The following ALG12 variants were observed in gnomAD, a reference collection of about 807,000 sequenced individuals.
The protein encoded by ALG12 is ALG12 alpha-1,6-mannosyltransferase.
A neutral mutation model predicts 46.0 loss-of-function variants in ALG12; 36 were observed. That is an observed-to-expected ratio of 0.78 (90% confidence interval 0.60 to 1.03). The LOEUF (loss-of-function observed/expected upper bound fraction) is 1.03, where lower values mean the gene tolerates loss of function less well. Among genes scored for constraint, ALG12 ranks in the 50% least tolerant of loss-of-function variants. The pLI, the probability that ALG12 is intolerant of heterozygous loss-of-function variation, is 0.00. For synonymous variants in ALG12, 326 were observed against 291.6 expected (o/e 1.12, Z -1.20); for missense variants, 599 against 633.5 (o/e 0.95, Z 0.58).
the ALG12 span, chr22:49,884,725 C>T: frequency 6.3e-7 from 1 of 1,594,034 alleles, no homozygotes; most frequent in South Asian, 1.1e-5. Context: ...GTACTCCACC[C>T]CTCCCACTCT....
At chr22:49,886,674 C>T in the ALG12 span, 491 of 1,611,454 alleles carry the variant, frequency 3.0e-4, 1 homozygote, top group Non-Finnish European at 3.5e-4. The surrounding 1 kb of genome is among the most constrained non-coding windows in gnomAD (Gnocchi z 7.7). Flanking sequence ...GGTACGTCTT[C>T]GCCACGCTGC....
chr22:49,917,342 C>G (rs1371417622), intron 1 of ALG12, among the ~76,000 whole-genome samples: 1 of 152,210 alleles, frequency 6.6e-6, no homozygotes, highest in Non-Finnish European at 1.5e-5. Context: ...ACCCTCTTGT[C>G]CCCATCAATC....
rs769490520 is a variant in ALG12, at chr22:49,904,509, GA to G, written c.993-4del. 6.2e-7 allele frequency: 1 copy of G among 1,613,932 alleles called. No homozygotes were observed. Among genetic ancestry groups the G allele is most frequent in the African/African-American group, 1.3e-5 (1 of 74,916 alleles). ...AAGACTTTTTATAGTTATTCAGCCT[GA>G]AAAAAGAATGGTTACACATCATAGG... On this transcript the variant is annotated splice_region_variant and splice_polypyrimidine_tract_variant and intron_variant, in intron 7 of 9. Transcript: ENST00000330817.
At chr22:49,874,219 G>A in the ALG12 span, among the ~76,000 whole-genome samples, 1 of 152,212 alleles carries the variant, frequency 6.6e-6, no homozygotes, top group African/African-American at 2.4e-5. Flanking sequence ...AGTATGATGG[G>A]AGCTGCACTG....
At chr22:49,862,693 CTTTTTTTTTTTT>C in the ALG12 span, among the ~76,000 whole-genome samples, 175 of 59,020 alleles carry the variant, frequency 3.0e-3, 2 homozygotes, top group African/African-American at 9.4e-3. Flanking sequence ...TAAGTTTTTC[CTTTTTTTTTTTT>C]TTTTTTTTTT....
chr22:49,868,130 A>G, the ALG12 span, among the ~76,000 whole-genome samples: 5 of 152,158 alleles, frequency 3.3e-5, no homozygotes, highest in African/African-American at 1.2e-4. Context: ...TGTCCCTTCC[A>G]CTTACATTTG....
the ALG12 span, chr22:49,883,841 G>T: frequency 2.0e-5 from 33 of 1,610,656 alleles, no homozygotes; most frequent in Non-Finnish European, 2.8e-5. Context: ...GAGCGAGCGG[G>T]CCTCGGTGGG....
downstream of ALG12, among the ~76,000 whole-genome samples, chr22:49,896,167 T>C (rs1223914546): frequency 1.3e-5 from 2 of 152,200 alleles, no homozygotes; most frequent in Admixed American, 1.3e-4. Flanking sequence ...TAATTCTAAA[T>C]ATGCACGTGT....
the ALG12 span, among the ~76,000 whole-genome samples, chr22:49,894,201 G>C: frequency 1.3e-5 from 2 of 152,118 alleles, no homozygotes; most frequent in Non-Finnish European, 2.9e-5. Context: ...CATCAGACGT[G>C]ATCTCTAGGG....
rs999577251 is a variant in ALG12, at chr22:49,908,677, C to T, written c.768+567G>A. Among the ~76,000 whole-genome samples the T allele has an allele frequency of 4.1e-5, 6 of 146,498 alleles. 2 individuals are homozygous for T. Among genetic ancestry groups the T allele is most frequent in the Admixed American group, 6.7e-5 (1 of 14,890 alleles). On this transcript the variant is annotated intron_variant, in intron 6 of 9. Transcript: ENST00000330817. ...TTAAATGCAGATTGTCCGGGCCGGG[C>T]GTGGTGGCTCACACCTGTAATCCCA... is the stretch of plus-strand genomic sequence containing the variant.
rs768442865 is a variant in ALG12, at chr22:49,910,564, C to T, written c.339G>A (p.Thr113=). ...LGLGVIFGLW[T]LQKEVRRHFG... ...AGTGCCGTCTCACTTCCTTTTGTAA[C>T]GTCCAGAGTCCAAAAATCACGCCGA... The change falls in exon 4 of 10, where the codon ACG becomes ACA. Residue 113 remains threonine (T), a synonymous_variant. Transcript: ENST00000330817. 1.8e-5 allele frequency: 29 copies of T among 1,614,060 alleles called. No homozygotes were observed. The highest frequency in any genetic ancestry group is 4.5e-5 in the East Asian group (2 of 44,892).
chr22:49,862,237 G>A, the ALG12 span, among the ~76,000 whole-genome samples: 11 of 152,242 alleles, frequency 7.2e-5, no homozygotes, highest in Non-Finnish European at 1.3e-4. Flanking sequence ...CGGCCCCAAC[G>A]CTTCTGCCGC....
chr22:49,883,597 C>T, the ALG12 span: 1 of 1,454,566 alleles, frequency 6.9e-7, no homozygotes, highest in Admixed American at 2.3e-5. Flanking sequence ...CATTCGGGGG[C>T]ACAAATGAGC....
At chr22:49,883,427 C>T in the ALG12 span, 1 of 451,014 alleles carries the variant, frequency 2.2e-6, no homozygotes, top group African/African-American at 1.9e-5. Context: ...ACATTGTTGT[C>T]TACACCATGA....
In ALG12 at chr22:49,905,450, G is replaced by A. The variant is rs2060537386; in HGVS notation, c.993-944C>T. On this transcript the variant is annotated intron_variant, in intron 7 of 9. Coordinates refer to ENST00000330817, the MANE Select transcript of ALG12 (RefSeq NM_024105.4). The surrounding 1 kb of genome is among the most constrained non-coding windows in gnomAD (Gnocchi z 4.9). Reference sequence around the variant, plus strand: ...ATGCTGGAGGTGGGGCCTGGTGGGAGGTGACTGGGTCATGGAGGTGGAGCC... The same window carrying A: ...ATGCTGGAGGTGGGGCCTGGTGGGAAGTGACTGGGTCATGGAGGTGGAGCC... 6.6e-6 allele frequency among the ~76,000 whole-genome samples: 1 copy of A among 152,182 alleles called. No homozygotes were observed. The highest frequency in any genetic ancestry group is 2.1e-4 in the South Asian group (1 of 4,832).
downstream of ALG12, among the ~76,000 whole-genome samples, chr22:49,899,019 G>A (rs74642863): frequency 2.0e-5 from 3 of 152,338 alleles, no homozygotes; most frequent in East Asian, 1.9e-4. Context: ...GCCAGGCACA[G>A]TGGCTCACAC....
Position 49,913,757 on chromosome 22 carries a change from TC to T in ALG12, c.8del (p.Gly3GlufsTer18). 6.2e-7 allele frequency: 1 copy of T among 1,613,272 alleles called. No homozygotes were observed. On this transcript the variant is annotated frameshift_variant, in exon 2 of 10. Coordinates refer to ENST00000330817, the MANE Select transcript of ALG12 (RefSeq NM_024105.4). LOFTEE classifies it high-confidence loss of function. Reference sequence around the variant, plus strand: ...GGGGCCGCCTGCCTGATGACCCCTTTCCAGCCATTCCAGGCTTTCAGCTTCA... The same window carrying T: ...GGGGCCGCCTGCCTGATGACCCCTTTCAGCCATTCCAGGCTTTCAGCTTCA... MA[G>X]KGSSGRRPLL...
In ALG12 at chr22:49,905,723, T is replaced by C. The variant is rs913405508; in HGVS notation, c.993-1217A>G. ...TACAGCCTGCGGAACCGCGAGCCAA[T>C]GAAGCCTCCTCTTTATAAATTATCC... On this transcript the variant is annotated intron_variant, in intron 7 of 9. Transcript: ENST00000330817. The surrounding 1 kb of genome is among the most constrained non-coding windows in gnomAD (Gnocchi z 4.9). Among the ~76,000 whole-genome samples, 2 of 152,238 alleles carry C rather than the reference T, an allele frequency of 1.3e-5. No individual in the cohort carries two copies. The highest frequency in any genetic ancestry group is 2.9e-5 in the Non-Finnish European group (2 of 68,038).
the ALG12 span, chr22:49,889,563 A>C: frequency 0.011 from 1,873 of 167,322 alleles, 20 homozygotes; most frequent in Non-Finnish European, 0.014. Flanking sequence ...ATTGCAGAAA[A>C]AAATGAGGGC....
Sources: allele counts gnomAD v4.1 joint callset (sites outside exome capture counted in the v4.1 genomes callset), GRCh38; gene constraint gnomAD v4.1.1; non-coding constraint Gnocchi (gnomAD v3.1); transcripts MANE v1.5; gene names NCBI Gene and HGNC (gene_info 2026-07-23, HGNC 2026-07-21).